ADGRL2: variants seen among roughly 807,000 people sequenced by gnomAD.
ADGRL2 encodes calcium-independent alpha-latrotoxin receptor 2.
A neutral mutation model predicts 157.4 loss-of-function variants in ADGRL2; 44 were observed. The observed-to-expected ratio is 0.28, with a 90% CI of 0.22 to 0.36. ADGRL2 has a LOEUF of 0.36. Ranked by LOEUF, ADGRL2 falls within the 10% of genes least tolerant of loss-of-function variation. The probability of loss-of-function intolerance (pLI) is 1.00; values close to 1 mark genes in which losing one functional copy is unlikely to be tolerated. For synonymous variants in ADGRL2, 585 were observed against 624.7 expected, an observed-to-expected ratio of 0.94 and a Z score of 0.95; for missense variants, 1,510 against 1,768.9, an observed-to-expected ratio of 0.85 and a Z score of 2.63.
At chr1:81,524,137 G>T (rs1222759811) in intron 2 of ADGRL2, among the ~76,000 whole-genome samples, 1 of 152,086 alleles carries the variant, frequency 6.6e-6, no homozygotes, top group East Asian at 1.9e-4. Flanking sequence ...GAGGCGGTTG[G>T]ATCACGAGGT....
intron 1 of ADGRL2, among the ~76,000 whole-genome samples, chr1:81,350,377 A>G (rs1043244056): frequency 1.3e-5 from 2 of 152,224 alleles, no homozygotes; most frequent in Non-Finnish European, 2.9e-5. Flanking sequence ...GACACAATGA[A>G]CATTTGTAAA....
chr1:81,901,449 A>G (rs2094484710), intron 2 of ADGRL2, among the ~76,000 whole-genome samples: 1 of 152,056 alleles, frequency 6.6e-6, no homozygotes, highest in African/African-American at 2.4e-5. Context: ...TGACCCAGAG[A>G]TTGTGATTCA....
At chr1:81,620,708 A>T (rs1272548387) in intron 3 of ADGRL2, among the ~76,000 whole-genome samples, 1 of 152,202 alleles carries the variant, frequency 6.6e-6, no homozygotes, top group Non-Finnish European at 1.5e-5. Context: ...TGCCCTTGAA[A>T]AAGGAACAGT....
intron 1 of ADGRL2, among the ~76,000 whole-genome samples, chr1:81,318,995 G>C (rs1341736659): frequency 7.9e-6 from 1 of 127,238 alleles, no homozygotes; most frequent in South Asian, 2.7e-4. Context: ...AGGCTGGAGT[G>C]CAATGGAGCG....
At chr1:81,543,518 T>C (rs1297175487) in intron 2 of ADGRL2, among the ~76,000 whole-genome samples, 4 of 152,236 alleles carry the variant, frequency 2.6e-5, no homozygotes, top group Non-Finnish European at 4.4e-5. Flanking sequence ...ACTAAGACAA[T>C]ATATTAACAT....
At chr1:81,919,087 T>A (rs928132873) in intron 3 of ADGRL2, among the ~76,000 whole-genome samples, 4 of 152,188 alleles carry the variant, frequency 2.6e-5, no homozygotes, top group Non-Finnish European at 4.4e-5. Context: ...CAGGTTGATA[T>A]GTACATTTTA....
chr1:81,346,223 C>T (rs1407001672), intron 1 of ADGRL2, among the ~76,000 whole-genome samples: 1 of 152,066 alleles, frequency 6.6e-6, no homozygotes, highest in Non-Finnish European at 1.5e-5. Flanking sequence ...AAAATATTTG[C>T]AAAATGAAAA....
intron 1 of ADGRL2, among the ~76,000 whole-genome samples, chr1:81,716,278 C>A (rs9660481): frequency 0.31 from 47,852 of 151,972 alleles, 7,829 homozygotes; most frequent in Admixed American, 0.43. Context: ...CTGCTATAGA[C>A]TTTGCATGAC....
At chr1:81,628,511 A>G (rs1437505196) in intron 3 of ADGRL2, among the ~76,000 whole-genome samples, 7 of 152,206 alleles carry the variant, frequency 4.6e-5, no homozygotes, top group Non-Finnish European at 1.5e-5. Context: ...CAATACGTTA[A>G]CATATTTTTT....
At chr1:81,764,491 C>T (rs888017424) in intron 2 of ADGRL2, among the ~76,000 whole-genome samples, 11 of 152,022 alleles carry the variant, frequency 7.2e-5, no homozygotes, top group African/African-American at 2.7e-4. Context: ...ATACTGTTCA[C>T]ATAAATGCTT....
chr1:81,464,933 GA>G (rs199573052), intron 2 of ADGRL2, among the ~76,000 whole-genome samples: 58 of 138,782 alleles, frequency 4.2e-4, no homozygotes, highest in Middle Eastern at 7.3e-3. Flanking sequence ...CCACCAGGGA[GA>G]AAAAAAAAAA....
At chr1:81,973,050 C>T (rs567784908) in intron 17 of ADGRL2, among the ~76,000 whole-genome samples, 2 of 151,494 alleles carry the variant, frequency 1.3e-5, no homozygotes, top group East Asian at 1.9e-4. Flanking sequence ...CAAATGAGCT[C>T]GTTTGGATCT....
At chr1:81,404,728 C>G (rs1266961954) in intron 1 of ADGRL2, among the ~76,000 whole-genome samples, 1 of 152,166 alleles carries the variant, frequency 6.6e-6, no homozygotes, top group Non-Finnish European at 1.5e-5. Context: ...TAATACATTT[C>G]TCCAGGTGGA....
chr1:81,464,660 T>C (rs1247276674), intron 2 of ADGRL2, among the ~76,000 whole-genome samples: 1 of 152,100 alleles, frequency 6.6e-6, no homozygotes, highest in African/African-American at 2.4e-5. Context: ...GCTTTTACCG[T>C]GGTTAATTGA....
chr1:81,905,973 T>TGTGA (rs1263743506), intron 2 of ADGRL2, among the ~76,000 whole-genome samples: 1 of 151,788 alleles, frequency 6.6e-6, no homozygotes, highest in African/African-American at 2.4e-5. Context: ...TGTGTGTGTG[T>TGTGA]GTGTGTGTGT....
At chr1:81,978,131 T>C (rs891791779) in intron 17 of ADGRL2, among the ~76,000 whole-genome samples, 5 of 151,534 alleles carry the variant, frequency 3.3e-5, no homozygotes, top group Non-Finnish European at 5.9e-5. Context: ...AGAGGTACAC[T>C]TTACCATGAT....
intron 8 of ADGRL2, among the ~76,000 whole-genome samples, chr1:81,951,405 G>A (rs377709029): frequency 2.0e-5 from 3 of 152,176 alleles, no homozygotes; most frequent in Middle Eastern, 3.4e-3. Flanking sequence ...TGCATTCGCC[G>A]ATTAAATAAA....
At chr1:81,379,611 C>G (rs2076309715) in intron 1 of ADGRL2, among the ~76,000 whole-genome samples, 1 of 152,138 alleles carries the variant, frequency 6.6e-6, no homozygotes, top group African/African-American at 2.4e-5. Context: ...GGGCTCTCCT[C>G]CAACTGCCCC....
chr1:81,787,716 G>A (rs2087125073), intron 2 of ADGRL2, among the ~76,000 whole-genome samples: 1 of 151,862 alleles, frequency 6.6e-6, no homozygotes, highest in African/African-American at 2.4e-5. Context: ...AGTGGTGACA[G>A]GTGGGGAGAA....
Sources: allele counts gnomAD v4.1 joint callset (sites outside exome capture counted in the v4.1 genomes callset), GRCh38; gene constraint gnomAD v4.1.1; transcripts MANE v1.5; gene names NCBI Gene and HGNC (gene_info 2026-07-23, HGNC 2026-07-21).